Variants in SCP2 observed in about 807,000 individuals in gnomAD.
The protein encoded by SCP2 is SCP-2/3-oxoacyl-CoA thiolase.
A neutral mutation model predicts 71.4 loss-of-function variants in SCP2; 48 were observed. That is an observed-to-expected ratio of 0.67 (90% CI 0.53 to 0.86). The LOEUF is 0.86. SCP2 is among the 40% of genes least tolerant of loss of function. SCP2 has a pLI of 0.00. For missense variants in SCP2, 560 were observed against 655.6 expected, an observed-to-expected ratio of 0.85 and a Z score of 1.59; for synonymous variants, 220 against 218.1, an observed-to-expected ratio of 1.01 and a Z score of -0.08.
intron 11 of SCP2, among the ~76,000 whole-genome samples, chr1:53,005,403 G>A (rs1013953181): frequency 1.3e-5 from 2 of 152,176 alleles, no homozygotes; most frequent in African/African-American, 4.8e-5. Context: ...ATACAGCCGG[G>A]TGTCCCTCTG....
rs1664167990 is a variant in SCP2 at position 53,051,039 on chromosome 1, T to C, written c.*335T>C. 5.0e-6 allele frequency: 1 copy of C among 199,990 alleles called. No individual in the cohort carries two copies. The highest frequency in any genetic ancestry group is 1.0e-5 in the Non-Finnish European group (1 of 96,564). The allele number at this position is 199,990 out of a possible 1,614,324, so 12.4% of individuals were successfully genotyped here. A position where few individuals can be genotyped will look rare whatever the true frequency, so the allele number is the denominator to read the frequency against. On this transcript the variant is annotated 3_prime_UTR_variant, in exon 16 of 16. Transcript: ENST00000371514. ...AAAAGCTTTTGTTTTGCTTACAAAG[T>C]ATATTTAAGGATTATTCTGCTGAAG... is the stretch of plus-strand genomic sequence containing the variant.
chr1:52,947,583 G>A (rs1378939325), intron 2 of SCP2, among the ~76,000 whole-genome samples: 1 of 152,122 alleles, frequency 6.6e-6, no homozygotes, highest in Non-Finnish European at 1.5e-5. Flanking sequence ...CATAGACAGA[G>A]TCACCTCTTG....
In SCP2 at chr1:52,954,704, A is replaced by G. The variant is rs751633678; in HGVS notation, c.332-36A>G. 1.9e-6 allele frequency: 3 copies of G among 1,567,794 alleles called. No individual in the cohort carries two copies. The African/African-American group carries it at 4.1e-5, about 21-fold the overall frequency. On this transcript the variant is annotated intron_variant, in intron 4 of 15. Coordinates refer to ENST00000371514, the MANE Select transcript of SCP2 (RefSeq NM_002979.5). ...AATGGTATTTTGTTGGTGTTTGGAA[A>G]TTTGAATTTTCAAAATAATTACGTT...
chr1:53,024,200 C>T (rs1661944637), intron 12 of SCP2, among the ~76,000 whole-genome samples: 1 of 152,122 alleles, frequency 6.6e-6, no homozygotes, highest in Non-Finnish European at 1.5e-5. Context: ...CACAAAAAGA[C>T]AAATACTATA....
rs537630680 is a variant in SCP2, at chr1:52,954,824, A to T, written c.396+20A>T. ...ATAAAAGTGAGTGTTATTTTGGCAT[A>T]GTTACTAAATGAGCTAATATAACCC... On this transcript the variant is annotated intron_variant, in intron 5 of 15. Transcript: ENST00000371514. 6.3e-7 allele frequency: 1 copy of T among 1,596,986 alleles called. No individual in the cohort carries two copies. The highest frequency in any genetic ancestry group is 1.1e-5 in the South Asian group (1 of 90,732).
chr1:52,948,093 C>T lies in SCP2; in HGVS notation c.199+13C>T, dbSNP rs766057612. 1.3e-6 allele frequency: 2 copies of T among 1,567,540 alleles called. No homozygotes were observed. Among genetic ancestry groups the T allele is most frequent in the South Asian group, 2.2e-5 (2 of 90,122 alleles). On this transcript the variant is annotated intron_variant, in intron 3 of 15. Coordinates refer to ENST00000371514, the MANE Select transcript of SCP2 (RefSeq NM_002979.5). ...GGCTATGTTTTTGGTATGTATTAAA[C>T]TGTGTATTCTAAAATTTTTTTACCT...
chr1:52,987,002 ATATATTT>A (rs1266155629), intron 10 of SCP2, among the ~76,000 whole-genome samples: 1,339 of 92,622 alleles, frequency 0.014, 15 homozygotes, highest in African/African-American at 0.05. Context: ...ATATATATAT[ATATATTT>A]TTTTTTTTTT....
At chr1:53,035,104 T>C (rs1469090652) in intron 13 of SCP2, among the ~76,000 whole-genome samples, 4 of 145,044 alleles carry the variant, frequency 2.8e-5, no homozygotes, top group African/African-American at 1.1e-4. Context: ...AGACTCTGTC[T>C]CAAAGAAAAA....
chr1:52,928,526 A>G lies in SCP2; in HGVS notation c.69+1061A>G, dbSNP rs141464677. On this transcript the variant is annotated intron_variant, in intron 1 of 15. Transcript: ENST00000371514. ...CCGGGGCCGGTGGCTCACGCCTGTA[A>G]TCCCAGCACTTTGGGAGGCCAAGGC... 5.9e-3 allele frequency: 893 copies of G among 152,440 alleles called. 14 individuals carry two copies. Among genetic ancestry groups the G allele is most frequent in the African/African-American group, 0.02 (850 of 41,580 alleles). 9.4% of individuals were successfully genotyped at this position (152,440 alleles called of 1,614,324 possible).
chr1:52,951,133 T>C (rs1012509473), intron 4 of SCP2, among the ~76,000 whole-genome samples: 1 of 151,770 alleles, frequency 6.6e-6, no homozygotes, highest in Admixed American at 6.6e-5. Flanking sequence ...AATACAAAAA[T>C]TAGCCGGGTA....
chr1:52,966,449 C>T (rs927226857), intron 6 of SCP2, among the ~76,000 whole-genome samples: 3 of 151,720 alleles, frequency 2.0e-5, no homozygotes, highest in Non-Finnish European at 2.9e-5. Flanking sequence ...GAATAAATGC[C>T]GGTTGATCAT....
chr1:53,035,784 A>G (rs17107693), intron 13 of SCP2, among the ~76,000 whole-genome samples: 9,694 of 152,210 alleles, frequency 0.064, 868 homozygotes, highest in African/African-American at 0.2. Context: ...TATTTACATA[A>G]TTCTCTTACA....
chr1:52,932,228 A>T (rs1653220007), intron 1 of SCP2, among the ~76,000 whole-genome samples: 1 of 152,188 alleles, frequency 6.6e-6, no homozygotes, highest in Admixed American at 6.5e-5. Context: ...TCCGATGAAT[A>T]AAAAGAAAGC....
intron 13 of SCP2, among the ~76,000 whole-genome samples, chr1:53,037,361 T>C (rs1374492095): frequency 4.6e-5 from 7 of 152,194 alleles, no homozygotes; most frequent in Admixed American, 1.3e-4. Context: ...TCTGTGCTCC[T>C]GCAGTCCCCT....
chr1:53,027,957 T>A lies in SCP2; in HGVS notation c.1236-12T>A, dbSNP rs1557619904. On this transcript the variant is annotated splice_polypyrimidine_tract_variant and intron_variant, in intron 12 of 15. Coordinates refer to ENST00000371514, the MANE Select transcript of SCP2 (RefSeq NM_002979.5). ...TGTGACTCCATGAATTGAAACAGTT[T>A]CTTTTCCCCAGTTCTTTTAGAACTC... 1 of 1,493,082 alleles carries A rather than the reference T, an allele frequency of 6.7e-7. No individual in the cohort carries two copies. The allele number at this position is 1,493,082 out of a possible 1,614,324, so 92.5% of individuals were successfully genotyped here. A position where few individuals can be genotyped will look rare whatever the true frequency, so the allele number is the denominator to read the frequency against.
intron 5 of SCP2, 133 bp from the exon 6 acceptor site, chr1:52,961,370 G>A: frequency 2.2e-6 from 2 of 900,664 alleles, no homozygotes; most frequent in Non-Finnish European, 3.5e-6. Context: ...TGTCTTAACT[G>A]ATTTGATTCA....
intron 14 of SCP2, among the ~76,000 whole-genome samples, chr1:53,040,729 C>A (rs1053105099): frequency 4.0e-5 from 6 of 151,858 alleles, no homozygotes; most frequent in Non-Finnish European, 5.9e-5. Flanking sequence ...TAAAAAAAAA[C>A]AAAAATCTTA....
At chr1:52,930,203 C>G (rs565779184) in intron 1 of SCP2, among the ~76,000 whole-genome samples, 6 of 152,054 alleles carry the variant, frequency 3.9e-5, no homozygotes, top group Non-Finnish European at 7.4e-5. Flanking sequence ...TCATGAAATA[C>G]ATCTTACATC....
intron 1 of SCP2, among the ~76,000 whole-genome samples, chr1:52,931,650 C>T (rs916059018): frequency 6.6e-6 from 1 of 152,184 alleles, no homozygotes; most frequent in African/African-American, 2.4e-5. Context: ...CTTGCTACTC[C>T]ATCATCTTGT....
Sources: allele counts gnomAD v4.1 joint callset (sites outside exome capture counted in the v4.1 genomes callset), GRCh38; gene constraint gnomAD v4.1.1; transcripts MANE v1.5; gene names NCBI Gene and HGNC (gene_info 2026-07-23, HGNC 2026-07-21).